The following TSPAN9 variants were observed in gnomAD, a reference collection of about 807,000 sequenced individuals.
TSPAN9 encodes tetraspanin 9.
TSPAN9 carries 16 observed loss-of-function variants against 31.0 expected under a neutral mutation model. That is an observed-to-expected ratio of 0.52 (90% confidence interval 0.35 to 0.78). TSPAN9 has a LOEUF of 0.78. TSPAN9 is among the 30% of genes least tolerant of loss of function. The pLI, the probability that TSPAN9 is intolerant of heterozygous loss-of-function variation, is 0.01. For synonymous variants in TSPAN9, 145 were observed against 121.6 expected, an observed-to-expected ratio of 1.19 and a Z score of -1.27; for missense variants, 272 against 312.5, an observed-to-expected ratio of 0.87 and a Z score of 0.98.
chr12:3,279,011 T>C lies in TSPAN9; in HGVS notation c.275T>C (p.Val92Ala). The change falls in exon 5 of 9, where the codon GTC becomes GCC. Residue 92 changes from valine to alanine, a missense_variant. Val to Ala is a moderately conservative substitution (Grantham distance 64). Transcript: ENST00000011898. ...TTCCAGTTTTTCATCGTCCTGTTGG[T>C]CATCCTCCTAGCAGAGCTGATCTTA... ...LLLSFFIVLL[V>A]ILLAELILLI... 6.2e-7 allele frequency: 1 copy of C among 1,614,186 alleles called. No individual in the cohort carries two copies. Among genetic ancestry groups the C allele is most frequent in the Non-Finnish European group, 8.5e-7 (1 of 1,180,020 alleles).
At chr12:3,094,248 G>A (rs1361120059) in intron 2 of TSPAN9, among the ~76,000 whole-genome samples, 1 of 152,152 alleles carries the variant, frequency 6.6e-6, no homozygotes, top group Non-Finnish European at 1.5e-5. Context: ...ATGGCCTTTT[G>A]GAGATGAAAT....
At chr12:3,239,798 G>GA (rs549591185) in intron 3 of TSPAN9, among the ~76,000 whole-genome samples, 83 of 152,212 alleles carry the variant, frequency 5.5e-4, no homozygotes, top group African/African-American at 1.8e-3. Flanking sequence ...GGGAAGGGTG[G>GA]AAAAGGGATT....
At chr12:3,216,873 C>T (rs1391717547) in intron 3 of TSPAN9, among the ~76,000 whole-genome samples, 2 of 152,322 alleles carry the variant, frequency 1.3e-5, no homozygotes, top group Non-Finnish European at 2.9e-5. Context: ...AAGGCCCCTG[C>T]TTTGGAGGGC....
In TSPAN9 at chr12:3,121,352, CT is replaced by C. The variant is rs59198394; in HGVS notation, c.-18+37658del. Among the ~76,000 whole-genome samples, 258 of 108,186 alleles carry C rather than the reference CT, an allele frequency of 2.4e-3. 2 individuals are homozygous for C. Among genetic ancestry groups the C allele is most frequent in the African/African-American group, 7.3e-3 (203 of 27,950 alleles). The allele number at this position is 108,186 out of a possible 152,430, so 71.0% of individuals were successfully genotyped here. A position where few individuals can be genotyped will look rare whatever the true frequency, so the allele number is the denominator to read the frequency against. On this transcript the variant is annotated intron_variant, in intron 2 of 8. Transcript: ENST00000011898. ...GATTTTTCAAAACAGGGGATGTTGGCTTTTTTTTTTTTTTTTTTTTTTTTTG... is the reference window on the plus strand; with the variant it reads ...GATTTTTCAAAACAGGGGATGTTGGCTTTTTTTTTTTTTTTTTTTTTTTTG...
intron 2 of TSPAN9, among the ~76,000 whole-genome samples, chr12:3,100,983 G>T (rs955938785): frequency 6.6e-6 from 1 of 152,170 alleles, no homozygotes; most frequent in African/African-American, 2.4e-5. Flanking sequence ...TACCATCCCG[G>T]GTGTGGAGCT....
intron 2 of TSPAN9, among the ~76,000 whole-genome samples, chr12:3,185,005 A>C (rs2098360418): frequency 6.6e-6 from 1 of 152,086 alleles, no homozygotes; most frequent in African/African-American, 2.4e-5. Context: ...TATAGTCTCT[A>C]TTCTGTTTCA....
At chr12:3,181,302 A>G (rs546921658) in intron 2 of TSPAN9, among the ~76,000 whole-genome samples, 80 of 152,326 alleles carry the variant, frequency 5.3e-4, no homozygotes, top group African/African-American at 1.6e-3. Context: ...TAGATCATCA[A>G]CTGTGTGTGG....
intron 2 of TSPAN9, among the ~76,000 whole-genome samples, chr12:3,176,960 A>G (rs887536014): frequency 1.3e-5 from 2 of 151,856 alleles, no homozygotes; most frequent in African/African-American, 4.8e-5. Flanking sequence ...GAAGAGTACC[A>G]TGGACAGCAG....
chr12:3,247,028 A>AG (rs1246241075), intron 3 of TSPAN9, among the ~76,000 whole-genome samples: 1 of 152,128 alleles, frequency 6.6e-6, no homozygotes, highest in African/African-American at 2.4e-5. Flanking sequence ...AATGGGTGGA[A>AG]GGGAGGGTGC....
chr12:3,268,849 C>CCT (rs1862603490), intron 3 of TSPAN9, among the ~76,000 whole-genome samples: 6 of 92,390 alleles, frequency 6.5e-5, no homozygotes, highest in African/African-American at 8.1e-5. Flanking sequence ...GCCTGCCCTC[C>CCT]GTGCATTCCT....
At chr12:3,231,693 C>T (rs75609718) in intron 3 of TSPAN9, among the ~76,000 whole-genome samples, 6,092 of 152,340 alleles carry the variant, frequency 0.04, 325 homozygotes, top group African/African-American at 0.12. Flanking sequence ...GGATGGGGTT[C>T]GCTCCAGGTT....
In TSPAN9 at chr12:3,192,609, C is replaced by G. The variant is rs1471452806; in HGVS notation, c.-17-8568C>G. Among the ~76,000 whole-genome samples, 2 of 152,100 alleles carry G rather than the reference C, an allele frequency of 1.3e-5. No individual in the cohort carries two copies. Among genetic ancestry groups the G allele is most frequent in the Admixed American group, 6.5e-5 (1 of 15,276 alleles). ...CAAGGTCAGTCCCTCCTGGAGCTGT[C>G]TGGGAGACAGCCAGGGGGATGACAA... On this transcript the variant is annotated intron_variant, in intron 2 of 8. Transcript: ENST00000011898. The surrounding 1 kb of genome is among the most constrained non-coding windows in gnomAD (Gnocchi z 4.6).
intron 3 of TSPAN9, among the ~76,000 whole-genome samples, chr12:3,261,269 G>C (rs1862443856): frequency 6.6e-6 from 1 of 152,218 alleles, no homozygotes; most frequent in Non-Finnish European, 1.5e-5. Context: ...TGTTCTAAGA[G>C]CTTTAGAAGT....
At chr12:3,100,216 C>G (rs934522980) in intron 2 of TSPAN9, among the ~76,000 whole-genome samples, 1 of 152,150 alleles carries the variant, frequency 6.6e-6, no homozygotes, top group African/African-American at 2.4e-5. Context: ...GATTGTTGGG[C>G]CTGTTGCTTT....
At chr12:3,084,429 T>C (rs944288030) in intron 2 of TSPAN9, among the ~76,000 whole-genome samples, 4 of 152,144 alleles carry the variant, frequency 2.6e-5, no homozygotes, top group Non-Finnish European at 5.9e-5. Context: ...TTACCTTCCC[T>C]GAACCCAATG....
intron 3 of TSPAN9, among the ~76,000 whole-genome samples, chr12:3,213,245 C>T (rs1202360670): frequency 3.3e-5 from 5 of 152,142 alleles, no homozygotes; most frequent in Admixed American, 1.3e-4. Context: ...TCTAAGCAAA[C>T]GGCAGTTGCT....
chr12:3,112,675 G>T (rs202106910), intron 2 of TSPAN9, among the ~76,000 whole-genome samples: 94 of 93,060 alleles, frequency 1.0e-3, no homozygotes, highest in South Asian at 1.7e-3. Context: ...ATTTATTTTT[G>T]CTTTTTTTTT....
chr12:3,140,783 T>C lies in TSPAN9; in HGVS notation c.-18+57064T>C, dbSNP rs577277996. Among the ~76,000 whole-genome samples the C allele has an allele frequency of 8.5e-5, 13 of 152,060 alleles. No homozygotes were observed. The South Asian group carries it at 2.5e-3, about 29-fold the overall frequency. On this transcript the variant is annotated intron_variant, in intron 2 of 8. Transcript: ENST00000011898. ...AAGGCTCAGGGAGGGCACAGAATGC[T>C]GTGAGGTTCCTGGGAAAGCCCAGGG...
Position 3,170,722 on chromosome 12 carries a change from G to A in TSPAN9, c.-17-30455G>A, listed in dbSNP as rs1228962425. On this transcript the variant is annotated intron_variant, in intron 2 of 8. Transcript: ENST00000011898. This position sits in a 1 kb window ranked among gnomAD's most constrained non-coding sequence, Gnocchi z 4.4. ...ACCCAGCTGAAAACACTGCAGGAGA[G>A]TTGGGGAGGATGGCAGGAGGTAGAG... 6.6e-6 allele frequency among the ~76,000 whole-genome samples: 1 copy of A among 152,148 alleles called. No homozygotes were observed. The highest frequency in any genetic ancestry group is 1.5e-5 in the Non-Finnish European group (1 of 68,026).
Sources: gnomAD v4.1 joint callset for allele counts (sites outside exome capture counted in the v4.1 genomes callset) on GRCh38, gnomAD v4.1.1 for gene constraint, Gnocchi (gnomAD v3.1) non-coding constraint, MANE v1.5 for transcripts, NCBI Gene and HGNC (gene_info 2026-07-23, HGNC 2026-07-21) for gene names.